Variants in FSAF1 observed in about 807,000 individuals in gnomAD.
The protein encoded by FSAF1 is uncharacterized protein C1orf131.
At chr1:231,235,169 T>G in the FSAF1 span, among the ~76,000 whole-genome samples, 1 of 152,202 alleles carries the variant, frequency 6.6e-6, no homozygotes, top group South Asian at 2.1e-4. Context: ...GATCCCATAC[T>G]ATTTCCAGCC....
At chr1:231,225,213 ATGTAAAC>A in the FSAF1 span, 1 of 539,836 alleles carries the variant, frequency 1.9e-6, no homozygotes, top group Non-Finnish European at 3.3e-6. Context: ...TTTCTTGGAA[ATGTAAAC>A]TGCAGCTTTT....
the FSAF1 span, chr1:231,226,528 T>G: frequency 2.5e-5 from 15 of 602,182 alleles, no homozygotes; most frequent in Non-Finnish European, 1.5e-5. Context: ...GACAAGGAGT[T>G]TGCTATTTCA....
the FSAF1 span, among the ~76,000 whole-genome samples, chr1:231,234,554 C>T: frequency 5.3e-5 from 8 of 152,200 alleles, no homozygotes; most frequent in East Asian, 1.5e-3. This position sits in a 1 kb window ranked among gnomAD's most constrained non-coding sequence, Gnocchi z 4.0. Flanking sequence ...CATCAGTCTC[C>T]TCATGCCTCT....
the FSAF1 span, among the ~76,000 whole-genome samples, chr1:231,228,495 A>G: frequency 2.0e-5 from 3 of 151,634 alleles, no homozygotes; most frequent in Non-Finnish European, 4.4e-5. Flanking sequence ...GCTACTCCGG[A>G]GACTGAAGTC....
At chr1:231,225,559 A>G in the FSAF1 span, 1 of 1,570,144 alleles carries the variant, frequency 6.4e-7, no homozygotes, top group Non-Finnish European at 8.8e-7. Flanking sequence ...ACATATTAGT[A>G]GTGGATAATG....
chr1:231,235,624 C>G, the FSAF1 span, among the ~76,000 whole-genome samples: 3 of 152,040 alleles, frequency 2.0e-5, no homozygotes, highest in African/African-American at 7.2e-5. Flanking sequence ...GGCAACAAAA[C>G]AAGACCCCAA....
At chr1:231,225,355 A>C in the FSAF1 span, 1 of 928,336 alleles carries the variant, frequency 1.1e-6, no homozygotes, top group Non-Finnish European at 1.7e-6. Flanking sequence ...TAAATGAGAG[A>C]CAGTGAAGCG....
chr1:231,236,996 C>CT, the FSAF1 span: 3,230 of 142,542 alleles, frequency 0.023, 44 homozygotes, highest in African/African-American at 0.051. Context: ...CACTAATAAT[C>CT]TTTTTTTTTT....
chr1:231,232,821 G>C, the FSAF1 span, among the ~76,000 whole-genome samples: 2 of 152,186 alleles, frequency 1.3e-5, no homozygotes, highest in Non-Finnish European at 2.9e-5. Flanking sequence ...CTCTTACGCG[G>C]CTTAGATTTT....
At chr1:231,241,115 G>C in the FSAF1 span, 7 of 1,613,346 alleles carry the variant, frequency 4.3e-6, no homozygotes, top group Admixed American at 1.7e-5. Flanking sequence ...GCGACATTGT[G>C]GGGTCAGCCG....
chr1:231,232,541 T>C, the FSAF1 span, among the ~76,000 whole-genome samples: 1 of 152,184 alleles, frequency 6.6e-6, no homozygotes, highest in Non-Finnish European at 1.5e-5. Context: ...CCATGTAACA[T>C]GAGAAAAATT....
At chr1:231,241,113 G>A in the FSAF1 span, 4 of 1,613,606 alleles carry the variant, frequency 2.5e-6, no homozygotes, top group South Asian at 2.2e-5. Flanking sequence ...CTGCGACATT[G>A]TGGGGTCAGC....
the FSAF1 span, among the ~76,000 whole-genome samples, chr1:231,233,447 G>A: frequency 1.3e-5 from 2 of 152,126 alleles, no homozygotes; most frequent in African/African-American, 4.8e-5. Context: ...TGAATATACT[G>A]AATATTACAG....
At chr1:231,232,604 C>T in the FSAF1 span, among the ~76,000 whole-genome samples, 5 of 152,208 alleles carry the variant, frequency 3.3e-5, no homozygotes, top group Admixed American at 2.0e-4. Flanking sequence ...TATCAAATCA[C>T]AGCCTAACCT....
chr1:231,230,189 T>A, the FSAF1 span, among the ~76,000 whole-genome samples: 601 of 151,928 alleles, frequency 4.0e-3, 3 homozygotes, highest in African/African-American at 0.014. Flanking sequence ...GATGAGAAAC[T>A]GAGAAAAAAA....
At chr1:231,226,726 C>G in the FSAF1 span, 1 of 1,585,654 alleles carries the variant, frequency 6.3e-7, no homozygotes, top group Non-Finnish European at 8.7e-7. Context: ...AAAGGACAGA[C>G]CATCACACCT....
the FSAF1 span, chr1:231,229,223 T>A: frequency 1.6e-4 from 252 of 1,541,678 alleles, 1 homozygote; most frequent in Non-Finnish European, 8.0e-6. Flanking sequence ...AGAGAAAAAA[T>A]TCTTATTTAG....
chr1:231,224,550 C>G, the FSAF1 span: 1 of 805,814 alleles, frequency 1.2e-6, no homozygotes, highest in South Asian at 1.9e-5. Context: ...ACCCCATACG[C>G]CTTCCTGTGG....
chr1:231,236,895 C>G, the FSAF1 span: 2 of 152,172 alleles, frequency 1.3e-5, no homozygotes, highest in African/African-American at 4.8e-5. Context: ...CTTGACCCTC[C>G]CGTAACAGTT....
Sources: gnomAD v4.1 joint callset for allele counts (sites outside exome capture counted in the v4.1 genomes callset) on GRCh38, gnomAD v4.1.1 for gene constraint, Gnocchi (gnomAD v3.1) non-coding constraint, MANE v1.5 for transcripts, NCBI Gene and HGNC (gene_info 2026-07-23, HGNC 2026-07-21) for gene names.